KHDRBS3: variants seen among roughly 807,000 people sequenced by gnomAD.
KHDRBS3 encodes KH domain-containing, RNA-binding, signal transduction-associated protein 3.
KHDRBS3 carries 23 observed loss-of-function variants against 45.6 expected under a neutral mutation model. That is an observed-to-expected ratio of 0.50 (90% CI 0.36 to 0.72). The LOEUF (loss-of-function observed/expected upper bound fraction) is 0.72. Ranked by LOEUF, KHDRBS3 falls within the 30% of genes least tolerant of loss-of-function variation. KHDRBS3 has a pLI of 0.00. For synonymous variants in KHDRBS3, 162 were observed against 156.5 expected, an observed-to-expected ratio of 1.04 and a Z score of -0.26; for missense variants, 352 against 424.8, an observed-to-expected ratio of 0.83 and a Z score of 1.51.
intron 7 of KHDRBS3, among the ~76,000 whole-genome samples, chr8:135,644,749 G>A (rs981589707): frequency 1.3e-5 from 2 of 152,194 alleles, no homozygotes. Context: ...AGTCTTCCCA[G>A]GTCAGGTGCT....
Position 135,458,000 on chromosome 8 carries a change from G to GGGTGGAAACGCGGGGGCCC in KHDRBS3, c.88+47_88+65dup, listed in dbSNP as rs2130027968. ...TGCCGGCCGGCGGCGGTTGGGGGCC[G>GGGTGGAAACGCGGGGGCCC]GGTGGAAACGCGGGGGCCCAGGGGG... is the stretch of plus-strand genomic sequence containing the variant. On this transcript the variant is annotated intron_variant, in intron 1 of 8. Coordinates refer to ENST00000355849, the MANE Select transcript of KHDRBS3 (RefSeq NM_006558.3). This position sits in a 1 kb window ranked among gnomAD's most constrained non-coding sequence, Gnocchi z 4.4. 1.3e-6 allele frequency: 2 copies of GGGTGGAAACGCGGGGGCCC among 1,533,100 alleles called. No homozygotes were observed. Among genetic ancestry groups the GGGTGGAAACGCGGGGGCCC allele is most frequent in the East Asian group, 2.5e-5 (1 of 39,696 alleles). 95.0% of individuals were successfully genotyped at this position (1,533,100 alleles called of 1,614,324 possible). A position where few individuals can be genotyped will look rare whatever the true frequency, so the allele number is the denominator to read the frequency against.
intron 1 of KHDRBS3, among the ~76,000 whole-genome samples, chr8:135,497,275 A>G (rs958713495): frequency 1.3e-5 from 2 of 152,176 alleles, no homozygotes; most frequent in African/African-American, 2.4e-5. Context: ...AAAATCAGCT[A>G]TGCTGTTAAC....
intron 2 of KHDRBS3, among the ~76,000 whole-genome samples, chr8:135,524,876 TA>T (rs1825102453): frequency 6.6e-6 from 1 of 152,196 alleles, no homozygotes; most frequent in African/African-American, 2.4e-5. Flanking sequence ...TATGTAAAAA[TA>T]TTTTTTTCTC....
At chr8:135,623,018 T>A (rs1334968826) in intron 7 of KHDRBS3, among the ~76,000 whole-genome samples, 2 of 152,246 alleles carry the variant, frequency 1.3e-5, no homozygotes, top group Non-Finnish European at 2.9e-5. Context: ...AACCTCAGTC[T>A]GTGCTAACAG....
chr8:135,584,050 G>A (rs1229418843), intron 6 of KHDRBS3, among the ~76,000 whole-genome samples: 1 of 152,112 alleles, frequency 6.6e-6, no homozygotes, highest in Non-Finnish European at 1.5e-5. Context: ...TGGGATAATG[G>A]CCCTGTAGAA....
chr8:135,538,434 T>TAG (rs1454297790), intron 2 of KHDRBS3: 1 of 152,178 alleles, frequency 6.6e-6, no homozygotes, highest in African/African-American at 2.4e-5. Context: ...CTGTGAGTCT[T>TAG]ATCTAAGTTA....
chr8:135,512,429 C>CGGCGG lies in KHDRBS3; in HGVS notation c.89-8806_89-8805insCGGGG, dbSNP rs142771026. Among the ~76,000 whole-genome samples, 48 of 78,122 alleles carry CGGCGG rather than the reference C, an allele frequency of 6.1e-4. 1 individual carries two copies. The highest frequency in any genetic ancestry group is 2.7e-3 in the African/African-American group (40 of 15,078). 51.3% of individuals were successfully genotyped at this position (78,122 alleles called of 152,430 possible). On this transcript the variant is annotated intron_variant, in intron 1 of 8. Coordinates refer to ENST00000355849, the MANE Select transcript of KHDRBS3 (RefSeq NM_006558.3). ...CAAGAGTTAAGGTGTTTGGAAAAGT[C>CGGCGG]GGGGGGGGGGTAATAACTCTATTGA...
intron 7 of KHDRBS3, among the ~76,000 whole-genome samples, chr8:135,613,469 C>G (rs1829787499): frequency 6.6e-6 from 1 of 151,700 alleles, no homozygotes; most frequent in Non-Finnish European, 1.5e-5. Context: ...TCTTTGTAAA[C>G]TGTGTAGAGG....
intron 2 of KHDRBS3, among the ~76,000 whole-genome samples, chr8:135,527,855 G>A (rs1452897116): frequency 6.6e-6 from 1 of 152,164 alleles, no homozygotes; most frequent in Non-Finnish European, 1.5e-5. Flanking sequence ...GTTGTTTTCT[G>A]GAGTATAGGT....
chr8:135,595,951 A>G (rs901308186), intron 6 of KHDRBS3, among the ~76,000 whole-genome samples: 7 of 152,210 alleles, frequency 4.6e-5, no homozygotes, highest in African/African-American at 1.4e-4. Context: ...GAGCATGACT[A>G]CAAAAGGTGA....
intron 5 of KHDRBS3, among the ~76,000 whole-genome samples, chr8:135,560,175 A>AT (rs1827099954): frequency 6.6e-6 from 1 of 152,120 alleles, no homozygotes; most frequent in African/African-American, 2.4e-5. Context: ...TATACAGTTT[A>AT]TTTTTAGTGA....
intron 7 of KHDRBS3, among the ~76,000 whole-genome samples, chr8:135,631,541 T>G (rs1365631776): frequency 6.6e-6 from 1 of 152,178 alleles, no homozygotes; most frequent in Non-Finnish European, 1.5e-5. Context: ...CATCCTTGTC[T>G]TCTACCTCCA....
At chr8:135,569,521 A>C (rs1179816378) in intron 5 of KHDRBS3, among the ~76,000 whole-genome samples, 8 of 152,244 alleles carry the variant, frequency 5.3e-5, no homozygotes, top group African/African-American at 1.9e-4. Flanking sequence ...CTTGAGATAC[A>C]AACTAACTTG....
intron 6 of KHDRBS3, among the ~76,000 whole-genome samples, chr8:135,598,995 T>C (rs568365446): frequency 6.6e-6 from 1 of 152,326 alleles, no homozygotes; most frequent in African/African-American, 2.4e-5. Context: ...TTTTCCTGAG[T>C]TTAAATGTGA....
chr8:135,498,879 G>A (rs1386882916), intron 1 of KHDRBS3, among the ~76,000 whole-genome samples: 2 of 152,172 alleles, frequency 1.3e-5, no homozygotes, highest in Non-Finnish European at 2.9e-5. Context: ...GGTGAGCGTC[G>A]TGGAAGCATT....
intron 4 of KHDRBS3, among the ~76,000 whole-genome samples, chr8:135,552,926 C>T (rs528991076): frequency 1.3e-5 from 2 of 152,218 alleles, no homozygotes; most frequent in East Asian, 1.9e-4. Context: ...CAAGAAGACT[C>T]TCGCCATGTC....
chr8:135,645,063 G>A lies in KHDRBS3; in HGVS notation c.895G>A (p.Ala299Thr), dbSNP rs974217668. 7 of 1,613,088 alleles carry A rather than the reference G, an allele frequency of 4.3e-6. No homozygotes were observed. Among genetic ancestry groups the A allele is most frequent in the Admixed American group, 1.7e-5 (1 of 59,998 alleles). ...TTTTGTTTTGATCACTTGCAGTGGTGCTGATTACTATGATTACGGACATGG... is the reference window on the plus strand; with the variant it reads ...TTTTGTTTTGATCACTTGCAGTGGTACTGATTACTATGATTACGGACATGG... ...NSYSTPAQSG[A>T]DYYDYGHGLS... The change falls in exon 8 of 9, where the codon GCT becomes ACT. Residue 299 changes from alanine to threonine, a missense_variant. Around this residue, in one of 6 missense-constraint regions of KHDRBS3, gnomAD observed 212 missense variants for 209.6 expected, o/e 1.01. Coordinates refer to ENST00000355849, the MANE Select transcript of KHDRBS3 (RefSeq NM_006558.3).
chr8:135,521,830 C>T lies in KHDRBS3; in HGVS notation c.207+475C>T, dbSNP rs566492511. Among the ~76,000 whole-genome samples the T allele has an allele frequency of 3.9e-5, 6 of 152,220 alleles. No individual in the cohort carries two copies. The East Asian group carries it at 5.8e-4, about 15-fold the overall frequency. On this transcript the variant is annotated intron_variant, in intron 2 of 8. Transcript: ENST00000355849. ...TTTCTTTTTATTGATGAATAATAAT[C>T]TGTTACCTGAATATATCATTGTTGT... is the stretch of plus-strand genomic sequence containing the variant.
At chr8:135,592,587 T>C (rs969006637) in intron 6 of KHDRBS3, among the ~76,000 whole-genome samples, 4 of 152,178 alleles carry the variant, frequency 2.6e-5, no homozygotes, top group Admixed American at 6.5e-5. Flanking sequence ...TTTAAGTAGA[T>C]AAGAGTCTAA....
Sources: allele counts gnomAD v4.1 joint callset (sites outside exome capture counted in the v4.1 genomes callset), GRCh38; gene constraint gnomAD v4.1.1; regional missense constraint gnomAD v4.1.1; non-coding constraint Gnocchi (gnomAD v3.1); transcripts MANE v1.5; gene names NCBI Gene and HGNC (gene_info 2026-07-23, HGNC 2026-07-21).